The following SKIC2 variants were observed in gnomAD, a reference collection of about 807,000 sequenced individuals.
SKIC2 encodes the protein SKI2 subunit of superkiller complex.
chr6:31,968,944 G>A, the SKIC2 span: 40 of 1,612,886 alleles, frequency 2.5e-5, no homozygotes, highest in Non-Finnish European at 3.1e-5. This position sits in a 1 kb window ranked among gnomAD's most constrained non-coding sequence, Gnocchi z 6.1. Flanking sequence ...TGTGCCATGA[G>A]CAGCCATGAG....
the SKIC2 span, chr6:31,968,418 C>T: frequency 1.2e-6 from 2 of 1,612,982 alleles, no homozygotes; most frequent in Non-Finnish European, 1.7e-6. This position sits in a 1 kb window ranked among gnomAD's most constrained non-coding sequence, Gnocchi z 6.1. Context: ...CCACCCTCGA[C>T]CCTGTCAATG....
the SKIC2 span, chr6:31,964,268 G>A: frequency 6.2e-7 from 1 of 1,613,056 alleles, no homozygotes; most frequent in South Asian, 1.1e-5. The surrounding 1 kb of genome is among the most constrained non-coding windows in gnomAD (Gnocchi z 5.0). Context: ...TCGCGGCCTG[G>A]GTGTGCACCA....
At chr6:31,965,824 G>T in the SKIC2 span, 1 of 1,612,768 alleles carries the variant, frequency 6.2e-7, no homozygotes, top group Non-Finnish European at 8.5e-7. This position sits in a 1 kb window ranked among gnomAD's most constrained non-coding sequence, Gnocchi z 5.6. Context: ...GAGTAAACAT[G>T]CCTGCTCGTA....
the SKIC2 span, chr6:31,963,892 C>A: frequency 1.3e-6 from 2 of 1,592,920 alleles, no homozygotes; most frequent in South Asian, 2.2e-5. This position sits in a 1 kb window ranked among gnomAD's most constrained non-coding sequence, Gnocchi z 5.3. Flanking sequence ...CTGCTCCTTC[C>A]CCTTCCCCTT....
At chr6:31,968,892 G>A in the SKIC2 span, 7 of 1,612,716 alleles carry the variant, frequency 4.3e-6, no homozygotes, top group African/African-American at 2.7e-5. The surrounding 1 kb of genome is among the most constrained non-coding windows in gnomAD (Gnocchi z 6.1). Context: ...CCTGGGTTAT[G>A]TGGACGAGGC....
At chr6:31,965,659 T>G in the SKIC2 span, 1 of 627,460 alleles carries the variant, frequency 1.6e-6, no homozygotes, top group South Asian at 1.9e-5. The surrounding 1 kb of genome is among the most constrained non-coding windows in gnomAD (Gnocchi z 5.6). Context: ...GAGAGTTCAG[T>G]GAGATCCCAT....
the SKIC2 span, chr6:31,963,606 G>C: frequency 1.3e-6 from 2 of 1,530,644 alleles, no homozygotes; most frequent in Non-Finnish European, 1.8e-6. The surrounding 1 kb of genome is among the most constrained non-coding windows in gnomAD (Gnocchi z 5.3). Context: ...CCCCCAGCTG[G>C]ACATTGTGGC....
the SKIC2 span, chr6:31,967,801 A>G: frequency 6.2e-7 from 1 of 1,613,028 alleles, no homozygotes; most frequent in Admixed American, 1.7e-5. The surrounding 1 kb of genome is among the most constrained non-coding windows in gnomAD (Gnocchi z 4.9). Context: ...ACAGGGGGCC[A>G]GCCACTGCAG....
the SKIC2 span, chr6:31,961,569 C>T: frequency 1.2e-6 from 2 of 1,611,784 alleles, no homozygotes; most frequent in African/African-American, 1.3e-5. Flanking sequence ...GCTGTATCCA[C>T]CCCAGAGGCC....
chr6:31,960,919 T>G, the SKIC2 span: 6 of 910,462 alleles, frequency 6.6e-6, no homozygotes, highest in African/African-American at 9.9e-5. Context: ...GTTGGGAAAG[T>G]GTCATAGCAA....
At chr6:31,967,374 A>G in the SKIC2 span, 2 of 1,608,384 alleles carry the variant, frequency 1.2e-6, no homozygotes, top group Non-Finnish European at 1.7e-6. The surrounding 1 kb of genome is among the most constrained non-coding windows in gnomAD (Gnocchi z 4.9). Flanking sequence ...GAGTGATCCT[A>G]CAGGTGAGGG....
chr6:31,960,795 G>A, the SKIC2 span: 2 of 1,304,252 alleles, frequency 1.5e-6, no homozygotes, highest in Non-Finnish European at 2.1e-6. Flanking sequence ...GGCTATCACT[G>A]GGCTACTGCT....
At chr6:31,966,743 T>G in the SKIC2 span, 1 of 1,614,128 alleles carries the variant, frequency 6.2e-7, no homozygotes, top group South Asian at 1.1e-5. This position sits in a 1 kb window ranked among gnomAD's most constrained non-coding sequence, Gnocchi z 5.9. Flanking sequence ...CAGTTCCGCC[T>G]CACGTACACT....
the SKIC2 span, chr6:31,968,545 C>A: frequency 6.2e-7 from 1 of 1,606,872 alleles, no homozygotes; most frequent in Non-Finnish European, 8.5e-7. The surrounding 1 kb of genome is among the most constrained non-coding windows in gnomAD (Gnocchi z 6.1). Context: ...CCAGGTAGGA[C>A]CCTGGGTGGT....
the SKIC2 span, chr6:31,961,005 T>C: frequency 3.5e-6 from 5 of 1,437,064 alleles, no homozygotes; most frequent in Admixed American, 3.3e-5. Flanking sequence ...TGTTCACCAG[T>C]GTGCAGTGAC....
chr6:31,968,933 T>C, the SKIC2 span: 1 of 1,613,010 alleles, frequency 6.2e-7, no homozygotes, highest in Non-Finnish European at 8.5e-7. The surrounding 1 kb of genome is among the most constrained non-coding windows in gnomAD (Gnocchi z 6.1). Context: ...GGCGGGTGGC[T>C]TGTGCCATGA....
the SKIC2 span, chr6:31,961,544 C>T: frequency 6.3e-7 from 1 of 1,594,628 alleles, no homozygotes; most frequent in South Asian, 1.1e-5. Flanking sequence ...CTGACTCTTC[C>T]AGGAAGCGTC....
chr6:31,967,928 T>C, the SKIC2 span: 2 of 1,613,066 alleles, frequency 1.2e-6, no homozygotes, highest in Non-Finnish European at 1.7e-6. This position sits in a 1 kb window ranked among gnomAD's most constrained non-coding sequence, Gnocchi z 4.9. Context: ...TCCATGGCAA[T>C]GTCTGCCCTG....
At chr6:31,960,843 T>C in the SKIC2 span, 4 of 988,668 alleles carry the variant, frequency 4.0e-6, no homozygotes, top group East Asian at 9.6e-5. Flanking sequence ...GAAAAAGATA[T>C]TCTGTCCATA....
Sources: gnomAD v4.1 joint callset for allele counts on GRCh38, gnomAD v4.1.1 for gene constraint, Gnocchi (gnomAD v3.1) non-coding constraint, MANE v1.5 for transcripts, NCBI Gene and HGNC (gene_info 2026-07-23, HGNC 2026-07-21) for gene names.